The following ATP6V0A1 variants were observed in gnomAD, a reference collection of about 807,000 sequenced individuals.
ATP6V0A1 encodes ATPase H+ transporting V0 subunit a1.
A neutral mutation model predicts 105.4 loss-of-function variants in ATP6V0A1; 43 were observed. That is an observed-to-expected ratio of 0.41 (90% CI 0.32 to 0.53). ATP6V0A1 has a LOEUF of 0.53. Among genes scored for constraint, ATP6V0A1 ranks in the 20% least tolerant of loss-of-function variants. The pLI, the probability that ATP6V0A1 is intolerant of heterozygous loss-of-function variation, is 0.30. For missense variants in ATP6V0A1, 676 were observed against 1,051.1 expected, an observed-to-expected ratio of 0.64 and a Z score of 4.93; for synonymous variants, 362 against 372.8, an observed-to-expected ratio of 0.97 and a Z score of 0.33.
chr17:42,507,743 T>G (rs1567863800), intron 18 of ATP6V0A1, 116 bp downstream of exon 18: 5 of 893,364 alleles, frequency 5.6e-6, no homozygotes, highest in Non-Finnish European at 9.1e-6. Flanking sequence ...CTAATTAATA[T>G]TCAGCCTGCC....
intron 5 of ATP6V0A1, among the ~76,000 whole-genome samples, chr17:42,475,952 G>A (rs1052247933): frequency 1.3e-5 from 2 of 152,170 alleles, no homozygotes; most frequent in Non-Finnish European, 2.9e-5. Context: ...CATTGAGTCC[G>A]ATATTTAGGG....
At chr17:42,514,008 C>T in intron 20 of ATP6V0A1, 30 bp downstream of exon 20, 1 of 1,595,192 alleles carries the variant, frequency 6.3e-7, no homozygotes, top group Middle Eastern at 1.7e-4. Flanking sequence ...CTCCGGAACT[C>T]TAGTTTCCCC....
chr17:42,483,235 C>T (rs1258961614), intron 9 of ATP6V0A1, 104 bp downstream of exon 9: 11 of 840,412 alleles, frequency 1.3e-5, no homozygotes, highest in Admixed American at 4.0e-5. Context: ...TGTAGCAAAC[C>T]AGGATACCAA....
At chr17:42,481,851 C>CT (rs2089547123) in intron 8 of ATP6V0A1, among the ~76,000 whole-genome samples, 1 of 151,790 alleles carries the variant, frequency 6.6e-6, no homozygotes, top group Admixed American at 6.6e-5. Flanking sequence ...AGGGACAGAT[C>CT]TTTTTTTTGA....
chr17:42,483,687 T>G (rs1394294345), intron 9 of ATP6V0A1, among the ~76,000 whole-genome samples: 3 of 152,332 alleles, frequency 2.0e-5, no homozygotes, highest in African/African-American at 7.2e-5. Flanking sequence ...GTTCAAGCGA[T>G]TCTCCTGCCT....
intron 8 of ATP6V0A1, among the ~76,000 whole-genome samples, chr17:42,481,917 C>T (rs1567827324): frequency 2.0e-5 from 3 of 152,200 alleles, no homozygotes; most frequent in Non-Finnish European, 4.4e-5. Flanking sequence ...TCACAGCTCA[C>T]TGCAACCTTC....
intron 14 of ATP6V0A1, among the ~76,000 whole-genome samples, chr17:42,498,308 G>T (rs1282810012): frequency 2.6e-5 from 4 of 152,094 alleles, no homozygotes; most frequent in African/African-American, 9.7e-5. Context: ...CAGGTAAAAT[G>T]ACATGATATC....
chr17:42,485,098 C>T (rs904021052), intron 9 of ATP6V0A1, among the ~76,000 whole-genome samples: 1 of 152,134 alleles, frequency 6.6e-6, no homozygotes, highest in African/African-American at 2.4e-5. Flanking sequence ...GATCTGCCTG[C>T]CTCGGCCTCC....
At chr17:42,493,133 A>G (rs948539402) in intron 11 of ATP6V0A1, among the ~76,000 whole-genome samples, 2 of 152,112 alleles carry the variant, frequency 1.3e-5, no homozygotes, top group African/African-American at 4.8e-5. Flanking sequence ...TTCTTCTAAG[A>G]TGTCTGATAT....
chr17:42,459,159 C>T (rs1166435447), intron 1 of ATP6V0A1, 196 bp downstream of exon 1: 1 of 152,252 alleles, frequency 6.6e-6, no homozygotes, highest in South Asian at 2.1e-4. Context: ...TTTGGAAGCC[C>T]CGCATCTCTT....
chr17:42,474,222 T>C (rs2088405158), intron 5 of ATP6V0A1, among the ~76,000 whole-genome samples: 1 of 152,046 alleles, frequency 6.6e-6, no homozygotes, highest in South Asian at 2.1e-4. Context: ...CAGGCTGGTC[T>C]CGAACTCTGA....
At chr17:42,489,778 C>T (rs1212406531) in intron 10 of ATP6V0A1, among the ~76,000 whole-genome samples, 2 of 151,120 alleles carry the variant, frequency 1.3e-5, no homozygotes, top group Non-Finnish European at 2.9e-5. Context: ...GTCAAGCAGA[C>T]AAGGGAACAA....
intron 14 of ATP6V0A1, among the ~76,000 whole-genome samples, chr17:42,498,117 G>T (rs2091355891): frequency 6.6e-6 from 1 of 152,070 alleles, no homozygotes; most frequent in African/African-American, 2.4e-5. Flanking sequence ...GGGCATCGTG[G>T]CCTGTGCCTG....
chr17:42,493,177 C>G (rs998643257), intron 11 of ATP6V0A1, among the ~76,000 whole-genome samples: 4 of 151,990 alleles, frequency 2.6e-5, no homozygotes, highest in Non-Finnish European at 4.4e-5. Flanking sequence ...TTCCCTGTTC[C>G]AAGGTTAGAC....
chr17:42,500,445 T>C (rs796876335), intron 15 of ATP6V0A1, among the ~76,000 whole-genome samples: 10 of 152,318 alleles, frequency 6.6e-5, no homozygotes, highest in African/African-American at 1.9e-4. Context: ...TGCACCACTG[T>C]ACTCCAGGCT....
At chr17:42,486,283 C>T (rs1215703604) in intron 9 of ATP6V0A1, among the ~76,000 whole-genome samples, 1 of 151,982 alleles carries the variant, frequency 6.6e-6, no homozygotes, top group South Asian at 2.1e-4. Flanking sequence ...TGGTGGCGCG[C>T]GCCTGTAATC....
At chr17:42,497,960 T>G (rs1381661737) in intron 14 of ATP6V0A1, among the ~76,000 whole-genome samples, 1 of 150,684 alleles carries the variant, frequency 6.6e-6, no homozygotes, top group Non-Finnish European at 1.5e-5. Flanking sequence ...AAAAAAGCCT[T>G]ACTGGCCGGG....
chr17:42,493,898 G>C (rs1435301171), intron 11 of ATP6V0A1, among the ~76,000 whole-genome samples: 1 of 152,132 alleles, frequency 6.6e-6, no homozygotes, highest in East Asian at 1.9e-4. Context: ...GATTTTCTCT[G>C]AGAGTCCTAT....
chr17:42,500,684 A>T (rs1567854670), intron 15 of ATP6V0A1, 23 bp from the exon 16 acceptor site: 1 of 1,589,572 alleles, frequency 6.3e-7, no homozygotes, highest in Non-Finnish European at 8.6e-7. Context: ...TACCCTTAAC[A>T]TTTTTTTCTC....
Sources: gnomAD v4.1 joint callset for allele counts (sites outside exome capture counted in the v4.1 genomes callset) on GRCh38, gnomAD v4.1.1 for gene constraint, MANE v1.5 for transcripts, NCBI Gene and HGNC (gene_info 2026-07-23, HGNC 2026-07-21) for gene names.